Variants in TRAPPC2L observed in about 807,000 individuals in gnomAD.
TRAPPC2L encodes the protein trafficking protein particle complex subunit 2L, also known as trafficking protein particle complex subunit 2-like protein.
TRAPPC2L carries 17 observed loss-of-function variants against 13.2 expected under a neutral mutation model. The observed-to-expected ratio is 1.29, with a 90% confidence interval of 0.88 to 1.93. The LOEUF is 1.93. Ranked by LOEUF, TRAPPC2L falls within the 30% of genes most tolerant of loss-of-function variation. TRAPPC2L has a pLI of 0.00. For missense variants in TRAPPC2L, 359 were observed against 252.1 expected, an observed-to-expected ratio of 1.42 and a Z score of -2.87; for synonymous variants, 150 against 98.1, an observed-to-expected ratio of 1.53 and a Z score of -3.12.
intron 2 of TRAPPC2L, chr16:88,859,120 G>A (rs1046704175): frequency 4.5e-6 from 2 of 447,282 alleles, no homozygotes; most frequent in South Asian, 2.1e-5. Context: ...CCTTTGAGCA[G>A]GGGATAATAG....
chr16:88,857,191 C>G lies in TRAPPC2L; in HGVS notation c.33+8C>G. ...GCGGTGATTGCCAAGGAGGTGCGTA[C>G]GCGCGGCGTGGGGCGTCCGGGCTCG... On this transcript the variant is annotated splice_region_variant and intron_variant, in intron 1 of 3. Coordinates refer to ENST00000565504, the Ensembl canonical transcript of TRAPPC2L. 2 of 1,570,790 alleles carry G rather than the reference C, an allele frequency of 1.3e-6. No homozygotes were observed. The highest frequency in any genetic ancestry group is 1.7e-6 in the Non-Finnish European group (2 of 1,163,666).
intron 3 of TRAPPC2L, 23 bp downstream of exon 3, chr16:88,859,773 CA>C: frequency 6.2e-7 from 1 of 1,603,188 alleles, no homozygotes; most frequent in African/African-American, 1.3e-5. Flanking sequence ...GTTAGAGGGC[CA>C]CGCCCGAGTG....
intron 2 of TRAPPC2L, chr16:88,859,165 C>T (rs1968199630): frequency 4.6e-6 from 2 of 438,624 alleles, no homozygotes; most frequent in African/African-American, 2.0e-5. Flanking sequence ...CCTCTTATGT[C>T]ACTAGACACT....
At chr16:88,858,906 C>A in intron 2 of TRAPPC2L, 115 bp downstream of exon 2, 1 of 1,185,366 alleles carries the variant, frequency 8.4e-7, no homozygotes, top group Non-Finnish European at 1.2e-6. Context: ...TTTAGCCAGC[C>A]AGGGAATTAG....
Position 88,860,877 on chromosome 16 carries a change from C to T in TRAPPC2L, c.*553C>T, listed in dbSNP as rs535838440. ...GTCTCTGAGCAGAGGGGTGGAGGGC[C>T]TGGCTCTCCTCTGAGTGGGTCTGTT... On this transcript the variant is annotated 3_prime_UTR_variant, in exon 4 of 4. Transcript: ENST00000565504. 59 of 1,573,756 alleles carry T rather than the reference C, an allele frequency of 3.7e-5. No homozygotes were observed. In the Middle Eastern group the frequency reaches 8.3e-4, roughly 22 times the overall value.
chr16:88,857,127 G>A lies in TRAPPC2L; in HGVS notation c.-24G>A. Reference sequence around the variant, plus strand: ...GACCAGCGGCGGGTCACGTGACGCGGTGCCTGGCGCCGAGCCTCCCAAGAT... The same window carrying A: ...GACCAGCGGCGGGTCACGTGACGCGATGCCTGGCGCCGAGCCTCCCAAGAT... On this transcript the variant is annotated 5_prime_UTR_variant, in exon 1 of 4. In the 5' UTR this introduces an upstream ATG that the reference lacks. Coordinates refer to ENST00000565504, the Ensembl canonical transcript of TRAPPC2L. 1 of 1,554,292 alleles carries A rather than the reference G, an allele frequency of 6.4e-7. No homozygotes were observed. Among genetic ancestry groups the A allele is most frequent in the South Asian group, 1.2e-5 (1 of 85,086 alleles).
In TRAPPC2L at chr16:88,860,004, CTTTCT is replaced by C. The variant is rs755878484; in HGVS notation, c.407_411del (p.Leu136ArgfsTer18). 6.9e-6 allele frequency: 11 copies of C among 1,602,042 alleles called. No individual in the cohort carries two copies. The South Asian group carries it at 1.2e-4, about 18-fold the overall frequency. On this transcript the variant is annotated frameshift_variant, in exon 4 of 4. Coordinates refer to ENST00000565504, the Ensembl canonical transcript of TRAPPC2L. LOFTEE classifies it low-confidence loss of function (END_TRUNC). ...CCTACTTTCTGTGTCTTGCCACCTTCTTTCTGTAGGACATGCCTTGCCATTTTGGT... is the reference window on the plus strand; with the variant it reads ...CCTACTTTCTGTGTCTTGCCACCTTCGTAGGACATGCCTTGCCATTTTGGT...
exon 4 of TRAPPC2L, chr16:88,861,563 C>T: frequency 2.2e-6 from 1 of 465,116 alleles, no homozygotes. Flanking sequence ...GGTCCTAAAC[C>T]TTGGAGCGCA....
At chr16:88,857,246 A>C (rs765746532) in intron 1 of TRAPPC2L, 63 bp downstream of exon 1, 1 of 1,401,938 alleles carries the variant, frequency 7.1e-7, no homozygotes, top group East Asian at 3.0e-5. Context: ...CTTTCTTTCT[A>C]CTTCTTCCCT....
At chr16:88,859,931 G>T (rs116785233) in exon 4 of TRAPPC2L, 1 of 1,542,902 alleles carries the variant, frequency 6.5e-7, no homozygotes, top group African/African-American at 2.3e-5. Context: ...CAGACGTGAT[G>T]TGCAACCCCT....
At chr16:88,857,859 GC>G (rs1968068021) in intron 1 of TRAPPC2L, among the ~76,000 whole-genome samples, 1 of 152,206 alleles carries the variant, frequency 6.6e-6, no homozygotes, top group Admixed American at 6.5e-5. Flanking sequence ...CTGGGTGGCT[GC>G]CCACACGCTC....
upstream of TRAPPC2L, chr16:88,856,245 AG>A (rs1206029740): frequency 2.6e-4 from 184 of 703,048 alleles, 1 homozygote; most frequent in East Asian, 4.8e-3. Context: ...GACAGCCGTC[AG>A]GTAAGACTGG....
chr16:88,856,914 C>A (rs1389591769), upstream of TRAPPC2L: 1 of 1,495,718 alleles, frequency 6.7e-7, no homozygotes, highest in East Asian at 2.8e-5. Context: ...GGCCAGCGAG[C>A]CGACCTAGCG....
exon 4 of TRAPPC2L, chr16:88,861,434 G>T (rs1968380254): frequency 2.9e-6 from 1 of 347,586 alleles, no homozygotes; most frequent in East Asian, 8.1e-5. Flanking sequence ...CCTCTTTCTG[G>T]ACTTGGCCTC....
intron 2 of TRAPPC2L, 51 bp downstream of exon 2, chr16:88,858,842 G>GT: frequency 6.4e-7 from 1 of 1,560,718 alleles, no homozygotes; most frequent in Non-Finnish European, 8.7e-7. Flanking sequence ...GTTGCAAGAT[G>GT]TACTTTAGGA....
chr16:88,860,782 C>A, exon 4 of TRAPPC2L: 2 of 973,456 alleles, frequency 2.1e-6, no homozygotes, highest in Non-Finnish European at 3.1e-6. Context: ...GGCCTCTCAG[C>A]GGAGTTCACA....
chr16:88,856,733 G>A, upstream of TRAPPC2L: 4 of 1,091,158 alleles, frequency 3.7e-6, no homozygotes, highest in Admixed American at 2.3e-5. Flanking sequence ...CCCCGGCCCT[G>A]CCCCGTCCCA....
upstream of TRAPPC2L, chr16:88,856,959 CG>C: frequency 7.0e-7 from 1 of 1,428,628 alleles, no homozygotes. Context: ...GGCTGCGGGG[CG>C]GGGCCTGGAC....
At chr16:88,856,922 G>A (rs1384132870), upstream of TRAPPC2L, 3 of 1,483,162 alleles carry the variant, frequency 2.0e-6, no homozygotes, top group South Asian at 2.5e-5. Flanking sequence ...AGCCGACCTA[G>A]CGAGCGTCCG....
Sources: allele counts gnomAD v4.1 joint callset (sites outside exome capture counted in the v4.1 genomes callset), GRCh38; gene constraint gnomAD v4.1.1; transcripts MANE v1.5; gene names NCBI Gene and HGNC (gene_info 2026-07-23, HGNC 2026-07-21).